Variants in DCDC2C observed in about 807,000 individuals in gnomAD.
The protein encoded by DCDC2C is doublecortin domain-containing protein 2C.
DCDC2C carries 44 observed loss-of-function variants against 45.0 expected under a neutral mutation model. The observed-to-expected ratio is 0.98, with a 90% CI of 0.77 to 1.26. DCDC2C has a LOEUF of 1.26. Among genes scored for constraint, DCDC2C ranks in the 50% most tolerant of loss-of-function variants. DCDC2C has a pLI of 0.00. For missense variants in DCDC2C, 447 were observed against 468.9 expected (o/e 0.95, Z 0.43); for synonymous variants, 187 against 178.8 (o/e 1.05, Z -0.37).
rs143233453 is a variant in DCDC2C at position 3,760,648 on chromosome 2, G to A, written c.726+6014G>A. On this transcript the variant is annotated intron_variant, in intron 6 of 10. Coordinates refer to ENST00000399143, the MANE Select transcript of DCDC2C (RefSeq NM_001287444.2). ...AACAATGAGAACACATGGACACAGG[G>A]AGGGGCACATCACACACTGGGGCCT... 4.9e-3 allele frequency among the ~76,000 whole-genome samples: 753 copies of A among 152,224 alleles called. 3 individuals carry two copies. The highest frequency in any genetic ancestry group is 8.9e-3 in the Non-Finnish European group (606 of 68,028).
intron 10 of DCDC2C, among the ~76,000 whole-genome samples, chr2:3,787,936 T>C (rs886799196): frequency 2.0e-5 from 3 of 152,254 alleles, no homozygotes; most frequent in Non-Finnish European, 4.4e-5. Flanking sequence ...TGGTTTTATA[T>C]ATTTGAAATA....
intron 3 of DCDC2C, among the ~76,000 whole-genome samples, chr2:3,733,469 T>C (rs1668932085): frequency 6.6e-6 from 1 of 152,172 alleles, no homozygotes; most frequent in Admixed American, 6.5e-5. Flanking sequence ...TTGAAGGAGT[T>C]GTTTCCTTCA....
chr2:3,802,319 C>G (rs1671133722), intron 10 of DCDC2C, among the ~76,000 whole-genome samples: 2 of 152,246 alleles, frequency 1.3e-5, no homozygotes, highest in Admixed American at 6.5e-5. Flanking sequence ...GTAGGTTTGA[C>G]TGTTTCAGCC....
rs544948104 is a variant in DCDC2C, at chr2:3,761,059, A to G, written c.726+6425A>G. On this transcript the variant is annotated intron_variant, in intron 6 of 10. Coordinates refer to ENST00000399143, the MANE Select transcript of DCDC2C (RefSeq NM_001287444.2). This position sits in a 1 kb window ranked among gnomAD's most constrained non-coding sequence, Gnocchi z 4.3. ...ACAATTAACTGGAACTTTTAGTCCAATGAAAGTAATTGAATGAAGCTACTC... is the reference window on the plus strand; with the variant it reads ...ACAATTAACTGGAACTTTTAGTCCAGTGAAAGTAATTGAATGAAGCTACTC... 3.3e-5 allele frequency among the ~76,000 whole-genome samples: 5 copies of G among 152,352 alleles called. No homozygotes were observed. Among genetic ancestry groups the G allele is most frequent in the South Asian group, 2.1e-4 (1 of 4,830 alleles).
chr2:3,743,966 G>A (rs904635369), intron 4 of DCDC2C, among the ~76,000 whole-genome samples: 6 of 152,200 alleles, frequency 3.9e-5, no homozygotes, highest in Admixed American at 3.3e-4. Flanking sequence ...CTACTTGGGA[G>A]CCTGAGGCAG....
intron 2 of DCDC2C, among the ~76,000 whole-genome samples, chr2:3,718,365 T>C (rs988696820): frequency 6.6e-6 from 1 of 152,178 alleles, no homozygotes; most frequent in Non-Finnish European, 1.5e-5. Flanking sequence ...TGGGACGGCT[T>C]CTCTGGCTCT....
intron 7 of DCDC2C, 56 bp downstream of exon 7, chr2:3,767,936 C>A: frequency 1.5e-6 from 2 of 1,342,236 alleles, no homozygotes; most frequent in South Asian, 1.9e-5. Context: ...AGGCTGAGAA[C>A]ATGGGATTTT....
chr2:3,720,001 T>C (rs1467352719), intron 2 of DCDC2C, among the ~76,000 whole-genome samples: 2 of 152,186 alleles, frequency 1.3e-5, no homozygotes, highest in African/African-American at 4.8e-5. Flanking sequence ...GGTTTGGGTT[T>C]GCAGGTGAGT....
At chr2:3,742,163 A>C in intron 4 of DCDC2C, 115 bp downstream of exon 4, 1 of 1,207,770 alleles carries the variant, frequency 8.3e-7, no homozygotes, top group Non-Finnish European at 1.1e-6. Context: ...ATAAACTCTT[A>C]ATTTTAATTC....
At chr2:3,837,334 G>A (rs1672107468) in intron 10 of DCDC2C, among the ~76,000 whole-genome samples, 1 of 152,204 alleles carries the variant, frequency 6.6e-6, no homozygotes, top group East Asian at 1.9e-4. Context: ...CCAAATGGAA[G>A]TCATTCATAG....
chr2:3,717,067 A>C (rs1036488264), intron 2 of DCDC2C, among the ~76,000 whole-genome samples: 2 of 151,818 alleles, frequency 1.3e-5, no homozygotes, highest in Non-Finnish European at 2.9e-5. Flanking sequence ...ATTTTCTATG[A>C]CTGTTTTTTC....
chr2:3,753,520 T>C (rs1184239837), intron 5 of DCDC2C, among the ~76,000 whole-genome samples: 3 of 152,106 alleles, frequency 2.0e-5, no homozygotes, highest in African/African-American at 7.2e-5. Context: ...GGACATGACT[T>C]GAGGGCTTAC....
intron 10 of DCDC2C, among the ~76,000 whole-genome samples, chr2:3,790,353 A>C (rs973416864): frequency 6.6e-6 from 1 of 152,244 alleles, no homozygotes; most frequent in African/African-American, 2.4e-5. Context: ...AAGACATGCT[A>C]AGCTCAGAAC....
chr2:3,705,522 C>G lies in DCDC2C; in HGVS notation c.287+1484C>G, dbSNP rs578209886. 3.9e-5 allele frequency among the ~76,000 whole-genome samples: 6 copies of G among 152,256 alleles called. No homozygotes were observed. The East Asian group carries it at 7.7e-4, about 20-fold the overall frequency. The stretch of plus-strand genomic sequence containing the variant: ...CAAAAACTGCCTTTAAAGTCCCTTT[C>G]GATACATATATAATGAAAAGTATTT... On this transcript the variant is annotated intron_variant, in intron 1 of 10. Transcript: ENST00000399143.
chr2:3,820,827 A>G (rs544969962), intron 10 of DCDC2C, among the ~76,000 whole-genome samples: 1 of 152,196 alleles, frequency 6.6e-6, no homozygotes, highest in South Asian at 2.1e-4. Flanking sequence ...AATTGGTGAG[A>G]TGTTCCTTGG....
intron 1 of DCDC2C, among the ~76,000 whole-genome samples, chr2:3,708,242 G>T (rs574808017): frequency 1.6e-4 from 25 of 152,306 alleles, no homozygotes; most frequent in African/African-American, 6.0e-4. Flanking sequence ...CCTGGTTAAA[G>T]AATGCTGTTG....
At position 3,762,162 on chromosome 2, in the gene DCDC2C, C is replaced by CTT. The variant is rs56067833; in HGVS notation, c.727-5578_727-5577dup. Among the ~76,000 whole-genome samples, 776 of 127,662 alleles carry CTT rather than the reference C, an allele frequency of 6.1e-3. 9 individuals carry two copies. Among genetic ancestry groups the CTT allele is most frequent in the African/African-American group, 0.021 (741 of 34,940 alleles). 83.8% of individuals were successfully genotyped at this position (127,662 alleles called of 152,430 possible). A position where few individuals can be genotyped will look rare whatever the true frequency, so the allele number is the denominator to read the frequency against. On this transcript the variant is annotated intron_variant, in intron 6 of 10. Coordinates refer to ENST00000399143, the MANE Select transcript of DCDC2C (RefSeq NM_001287444.2). ...TTGATCCATGTTTTCTTGCTTGAAC[C>CTT]TTTTTTTTTTTTTTTAACCAAGTGC... is the stretch of plus-strand genomic sequence containing the variant.
At chr2:3,813,399 G>A (rs942532469) in intron 10 of DCDC2C, among the ~76,000 whole-genome samples, 69 of 152,098 alleles carry the variant, frequency 4.5e-4, no homozygotes, top group Non-Finnish European at 8.5e-4. Context: ...TTGGGGTAGA[G>A]TGTTCTGTAG....
intron 10 of DCDC2C, among the ~76,000 whole-genome samples, chr2:3,826,185 G>A (rs1354690018): frequency 2.0e-5 from 3 of 152,188 alleles, no homozygotes; most frequent in Non-Finnish European, 1.5e-5. Flanking sequence ...AAAATATGCA[G>A]AGAACACTCA....
Sources: allele counts gnomAD v4.1 joint callset (sites outside exome capture counted in the v4.1 genomes callset), GRCh38; gene constraint gnomAD v4.1.1; non-coding constraint Gnocchi (gnomAD v3.1); transcripts MANE v1.5; gene names NCBI Gene and HGNC (gene_info 2026-07-23, HGNC 2026-07-21).